SHB: variants seen among roughly 807,000 people sequenced by gnomAD.
SHB encodes SH2 domain-containing adapter protein B.
Under a neutral mutation model 52.3 loss-of-function variants are expected in SHB, and 20 were observed. The ratio of observed to expected loss-of-function variants is 0.38; its 90% CI spans 0.27 to 0.56. The LOEUF (loss-of-function observed/expected upper bound fraction) is 0.56. Among genes scored for constraint, SHB ranks in the 20% least tolerant of loss-of-function variants. The pLI is 0.71. For synonymous variants in SHB, 397 were observed against 316.5 expected (o/e 1.25, Z -2.70); for missense variants, 825 against 723.3 (o/e 1.14, Z -1.61).
At chr9:38,050,867 A>G (rs938363036) in intron 1 of SHB, among the ~76,000 whole-genome samples, 6 of 151,672 alleles carry the variant, frequency 4.0e-5, no homozygotes, top group African/African-American at 1.5e-4. Flanking sequence ...ACAAAAAAAA[A>G]GAGAGATTTC....
intron 1 of SHB, among the ~76,000 whole-genome samples, chr9:38,033,838 A>C (rs1821448623): frequency 6.7e-6 from 1 of 149,524 alleles, no homozygotes; most frequent in African/African-American, 2.6e-5. Flanking sequence ...CCCAGGAAAA[A>C]ACTGCTGTAA....
At chr9:37,948,583 G>T (rs1466969637) in intron 5 of SHB, 52 bp downstream of exon 5, 3 of 1,599,162 alleles carry the variant, frequency 1.9e-6, no homozygotes, top group Non-Finnish European at 1.7e-6. Context: ...GTGGCCGGCT[G>T]CGCTCGCAGA....
intron 2 of SHB, among the ~76,000 whole-genome samples, chr9:38,014,140 G>GC (rs1291951797): frequency 1.3e-5 from 2 of 152,132 alleles, no homozygotes; most frequent in Non-Finnish European, 2.9e-5. Context: ...GCGTCCTCAA[G>GC]CAAGTCTCTG....
intron 1 of SHB, among the ~76,000 whole-genome samples, chr9:38,042,064 C>T (rs1042016246): frequency 5.3e-5 from 8 of 150,336 alleles, no homozygotes; most frequent in Non-Finnish European, 1.0e-4. Flanking sequence ...AACGTGCCGA[C>T]GTCTGGCTTC....
At chr9:38,039,898 C>T (rs900180084) in intron 1 of SHB, among the ~76,000 whole-genome samples, 2 of 152,224 alleles carry the variant, frequency 1.3e-5, no homozygotes, top group African/African-American at 4.8e-5. Flanking sequence ...AGGAGTCTGG[C>T]GGCCCATGCC....
At chr9:37,981,364 C>G (rs1336153587) in intron 2 of SHB, among the ~76,000 whole-genome samples, 1 of 152,186 alleles carries the variant, frequency 6.6e-6, no homozygotes, top group African/African-American at 2.4e-5. Context: ...AGAAATCAAC[C>G]TCTGTTAGCT....
At chr9:37,925,858 G>A (rs987649852) in intron 5 of SHB, among the ~76,000 whole-genome samples, 1 of 152,220 alleles carries the variant, frequency 6.6e-6, no homozygotes, top group African/African-American at 2.4e-5. Context: ...CATTTAAAGT[G>A]CACTCAACCA....
At chr9:37,975,430 G>C (rs1820642961) in intron 2 of SHB, among the ~76,000 whole-genome samples, 1 of 152,138 alleles carries the variant, frequency 6.6e-6, no homozygotes, top group Non-Finnish European at 1.5e-5. Context: ...TAAATAGACT[G>C]AATTTATTTA....
chr9:38,049,214 G>C (rs544078283), intron 1 of SHB, among the ~76,000 whole-genome samples: 1 of 152,148 alleles, frequency 6.6e-6, no homozygotes, highest in African/African-American at 2.4e-5. Context: ...GTAGAGATGC[G>C]GTCTCCCTAT....
chr9:37,994,143 T>C (rs942225777), intron 2 of SHB, among the ~76,000 whole-genome samples: 3 of 152,186 alleles, frequency 2.0e-5, no homozygotes, highest in African/African-American at 7.2e-5. Context: ...ACTTTATAGA[T>C]GGTTATAGCA....
intron 1 of SHB, among the ~76,000 whole-genome samples, chr9:38,048,169 G>C (rs1288056961): frequency 6.6e-6 from 1 of 152,132 alleles, no homozygotes. Context: ...ATTTCCAATA[G>C]TAATTAAATG....
At chr9:37,996,949 G>A (rs1820954489) in intron 2 of SHB, among the ~76,000 whole-genome samples, 1 of 152,210 alleles carries the variant, frequency 6.6e-6, no homozygotes. Context: ...GAGAGCAGAG[G>A]CTCTATGTGA....
chr9:38,004,878 TG>T (rs1015341030), intron 2 of SHB, among the ~76,000 whole-genome samples: 8 of 152,258 alleles, frequency 5.3e-5, no homozygotes, highest in African/African-American at 1.9e-4. Flanking sequence ...AGGGCAGAGG[TG>T]AGCCGGCCCA....
intron 1 of SHB, among the ~76,000 whole-genome samples, chr9:38,019,148 T>C (rs10283803): frequency 0.43 from 65,134 of 152,084 alleles, 14,331 homozygotes; most frequent in Middle Eastern, 0.51. Context: ...AAAAAGGCTG[T>C]AGAGTGCGGC....
At chr9:38,010,676 A>G (rs1466859443) in intron 2 of SHB, among the ~76,000 whole-genome samples, 1 of 152,110 alleles carries the variant, frequency 6.6e-6, no homozygotes, top group African/African-American at 2.4e-5. Flanking sequence ...TGCTCATCTC[A>G]GTGCACCCAC....
intron 3 of SHB, among the ~76,000 whole-genome samples, chr9:37,960,347 C>T (rs371677885): frequency 1.6e-4 from 24 of 152,194 alleles, no homozygotes; most frequent in African/African-American, 5.5e-4. Flanking sequence ...GATAAAGACA[C>T]AGTCCTTCAA....
intron 3 of SHB, among the ~76,000 whole-genome samples, chr9:37,970,120 C>A (rs916180819): frequency 6.6e-6 from 1 of 152,162 alleles, no homozygotes; most frequent in African/African-American, 2.4e-5. Context: ...GCCAGCAGCC[C>A]GTGGTGGAAC....
chr9:37,976,908 G>A (rs755296125), intron 2 of SHB, among the ~76,000 whole-genome samples: 3 of 152,198 alleles, frequency 2.0e-5, no homozygotes, highest in African/African-American at 4.8e-5. Flanking sequence ...CTGCTTTCAG[G>A]CTGGGCTTTA....
At chr9:37,965,366 T>C (rs1832737585) in intron 3 of SHB, among the ~76,000 whole-genome samples, 2 of 152,126 alleles carry the variant, frequency 1.3e-5, no homozygotes, top group African/African-American at 4.8e-5. Context: ...TCCCTGGAAG[T>C]TGAGACCAGA....
Sources: gnomAD v4.1 joint callset for allele counts (sites outside exome capture counted in the v4.1 genomes callset) on GRCh38, gnomAD v4.1.1 for gene constraint, MANE v1.5 for transcripts, NCBI Gene and HGNC (gene_info 2026-07-23, HGNC 2026-07-21) for gene names.